Variants in FARP1 observed in about 807,000 individuals in gnomAD.
FARP1 encodes FERM, ARHGEF and pleckstrin domain-containing protein 1.
In FARP1, 52 loss-of-function variants were observed where a neutral mutation model predicts 128.8. The ratio of observed to expected loss-of-function variants is 0.40; its 90% CI spans 0.32 to 0.51. The LOEUF is 0.51. FARP1 is among the 20% of genes least tolerant of loss of function. The pLI is 0.45. For synonymous variants in FARP1, 580 were observed against 551.8 expected, an observed-to-expected ratio of 1.05 and a Z score of -0.72; for missense variants, 1,333 against 1,367.9, an observed-to-expected ratio of 0.97 and a Z score of 0.40.
At position 98,444,520 on chromosome 13, in the gene FARP1, TGCAGGGCAGGAGACTCATGGCGC is replaced by T. The variant is rs1369909791; in HGVS notation, c.2797-1570_2797-1548del. ...ACCAGCATGGCCTCGGCCTCCTGAG[TGCAGGGCAGGAGACTCATGGCGC>T]GCAGGGCCCGTAACACGCTGGAGGC... On this transcript the variant is annotated intron_variant, in intron 24 of 26. Coordinates refer to ENST00000319562, the MANE Select transcript of FARP1 (RefSeq NM_005766.4). Among the ~76,000 whole-genome samples, 3 of 152,014 alleles carry T rather than the reference TGCAGGGCAGGAGACTCATGGCGC, an allele frequency of 2.0e-5. 1 individual carries two copies. Among genetic ancestry groups the T allele is most frequent in the African/African-American group, 7.3e-5 (3 of 41,378 alleles).
intron 1 of FARP1, chr13:98,204,082 C>T (rs1448304134): frequency 6.6e-6 from 1 of 152,186 alleles, no homozygotes; most frequent in Non-Finnish European, 1.5e-5. Context: ...GAAAGGAACA[C>T]CCGCCTAGCC....
intron 5 of FARP1, among the ~76,000 whole-genome samples, chr13:98,371,867 A>G (rs1276064084): frequency 6.6e-6 from 1 of 152,154 alleles, no homozygotes; most frequent in Non-Finnish European, 1.5e-5. Context: ...CTCCAGGAAT[A>G]GCTCTTTCAG....
chr13:98,218,659 G>A (rs1220546778), intron 2 of FARP1, among the ~76,000 whole-genome samples: 3 of 152,138 alleles, frequency 2.0e-5, no homozygotes, highest in Admixed American at 6.6e-5. Context: ...AGCATGCCAC[G>A]ATTTATATGT....
intron 2 of FARP1, among the ~76,000 whole-genome samples, chr13:98,282,862 C>T (rs1235487336): frequency 6.6e-6 from 1 of 151,998 alleles, no homozygotes; most frequent in Non-Finnish European, 1.5e-5. Flanking sequence ...GATCACGCCA[C>T]TGCACTCCGG....
In FARP1 at chr13:98,429,431, G is replaced by A. The variant is rs545414152; in HGVS notation, c.1906-1612G>A. ...GGCATTGCAGAAAGTTCATTCAAGG[G>A]GCTCAACTCACAGTGAAGTGGAAGG... is the stretch of plus-strand genomic sequence containing the variant. On this transcript the variant is annotated intron_variant, in intron 17 of 26. Coordinates refer to ENST00000319562, the MANE Select transcript of FARP1 (RefSeq NM_005766.4). Among the ~76,000 whole-genome samples the A allele has an allele frequency of 1.9e-3, 295 of 152,306 alleles. 2 individuals are homozygous for A. Among genetic ancestry groups the A allele is most frequent in the African/African-American group, 6.9e-3 (286 of 41,560 alleles).
intron 2 of FARP1, among the ~76,000 whole-genome samples, chr13:98,269,951 C>A (rs1884310219): frequency 6.6e-6 from 1 of 152,082 alleles, no homozygotes; most frequent in Non-Finnish European, 1.5e-5. Flanking sequence ...ACTAAAAATA[C>A]AAAATTAGCC....
At chr13:98,178,571 G>A (rs756958863) in intron 1 of FARP1, among the ~76,000 whole-genome samples, 2 of 152,064 alleles carry the variant, frequency 1.3e-5, no homozygotes, top group African/African-American at 4.8e-5. Flanking sequence ...TAATGTAAAT[G>A]GATTCTAGTT....
chr13:98,371,163 T>C (rs1889309764), intron 5 of FARP1, among the ~76,000 whole-genome samples: 1 of 151,932 alleles, frequency 6.6e-6, no homozygotes, highest in Non-Finnish European at 1.5e-5. Context: ...CCAGGGCTCT[T>C]TCTTGCTCAG....
Position 98,448,424 on chromosome 13 carries a change from C to A in FARP1, c.*107C>A. 1.1e-6 allele frequency: 1 copy of A among 915,412 alleles called. No homozygotes were observed. Among genetic ancestry groups the A allele is most frequent in the Non-Finnish European group, 1.8e-6 (1 of 563,966 alleles). The allele number at this position is 915,412 out of a possible 1,614,324, so 56.7% of individuals were successfully genotyped here. On this transcript the variant is annotated 3_prime_UTR_variant, in exon 27 of 27. Transcript: ENST00000319562. ...TTAACACCTGTCTGAAAATCAAAAACATGGCTTCCCAGCAGCTCTCCTGTC... is the reference window on the plus strand; with the variant it reads ...TTAACACCTGTCTGAAAATCAAAAAAATGGCTTCCCAGCAGCTCTCCTGTC...
At chr13:98,448,129 C>G in intron 26 of FARP1, 107 bp from the exon 27 acceptor site, 1 of 921,720 alleles carries the variant, frequency 1.1e-6, no homozygotes, top group Non-Finnish European at 1.8e-6. Context: ...GGCAGATTAC[C>G]AACCAGGCGG....
At chr13:98,153,753 G>T (rs1222584054) in intron 1 of FARP1, among the ~76,000 whole-genome samples, 1 of 151,186 alleles carries the variant, frequency 6.6e-6, no homozygotes, top group South Asian at 2.1e-4. Flanking sequence ...TAGTAGAGAC[G>T]GGCTTTCATC....
At chr13:98,358,409 A>G (rs1888726302) in intron 3 of FARP1, among the ~76,000 whole-genome samples, 2 of 151,914 alleles carry the variant, frequency 1.3e-5, no homozygotes, top group Admixed American at 1.3e-4. Context: ...GTTGTGTTAT[A>G]TATTTTCTCC....
At position 98,431,288 on chromosome 13, in the gene FARP1, C is replaced by G; in HGVS notation, c.2143+8C>G. ...ACTTCAGGGACTGCCGAGGTGAGTGCTGGGAGCCTGCGCCACCTGGTGCCC... is the reference window on the plus strand; with the variant it reads ...ACTTCAGGGACTGCCGAGGTGAGTGGTGGGAGCCTGCGCCACCTGGTGCCC... On this transcript the variant is annotated splice_region_variant and intron_variant, in intron 18 of 26. Transcript: ENST00000319562. 1.3e-6 allele frequency: 2 copies of G among 1,565,382 alleles called. No individual in the cohort carries two copies. Among genetic ancestry groups the G allele is most frequent in the Non-Finnish European group, 8.7e-7 (1 of 1,152,502 alleles).
chr13:98,179,698 G>A (rs1276626143), intron 1 of FARP1, among the ~76,000 whole-genome samples: 1 of 150,792 alleles, frequency 6.6e-6, no homozygotes. Context: ...ACTAAAAATA[G>A]AAAAAAAAAT....
chr13:98,238,744 G>A (rs1302182518), intron 2 of FARP1, among the ~76,000 whole-genome samples: 1 of 152,146 alleles, frequency 6.6e-6, no homozygotes, highest in African/African-American at 2.4e-5. Flanking sequence ...GGAAGTATGG[G>A]AACTACAATT....
At chr13:98,272,435 A>G (rs1249172624) in intron 2 of FARP1, among the ~76,000 whole-genome samples, 1 of 152,140 alleles carries the variant, frequency 6.6e-6, no homozygotes, top group Non-Finnish European at 1.5e-5. Context: ...ATAAGGAGGA[A>G]ATTTTAATTT....
At chr13:98,336,030 A>C (rs1252565236) in intron 2 of FARP1, among the ~76,000 whole-genome samples, 1 of 152,180 alleles carries the variant, frequency 6.6e-6, no homozygotes, top group Non-Finnish European at 1.5e-5. Context: ...TCTGTCTATG[A>C]GATGATTTCC....
Position 98,440,207 on chromosome 13 carries a change from G to A in FARP1, c.2601G>A (p.Glu867=). Residue 867 remains glutamate (E), a synonymous_variant, in exon 23 of 27, where the codon GAG becomes GAA. Transcript: ENST00000319562. ...AGAAGAGCAGCAGCCCCGCCCCTGA[G>A]TTCCTGGCCAGCAGCCCCCCTGACA... ...LAEKSSSPAP[E]FLASSPPDNK... The A allele has an allele frequency of 1.1e-5, 17 of 1,614,026 alleles. No individual in the cohort carries two copies. The highest frequency in any genetic ancestry group is 1.4e-5 in the Non-Finnish European group (16 of 1,179,928).
intron 2 of FARP1, among the ~76,000 whole-genome samples, chr13:98,216,784 C>G (rs2139341823): frequency 6.6e-6 from 1 of 152,314 alleles, no homozygotes; most frequent in African/African-American, 2.4e-5. Context: ...GCTGTTTCCA[C>G]AAGCACCTCT....
Sources: allele counts gnomAD v4.1 joint callset (sites outside exome capture counted in the v4.1 genomes callset), GRCh38; gene constraint gnomAD v4.1.1; transcripts MANE v1.5; gene names NCBI Gene and HGNC (gene_info 2026-07-23, HGNC 2026-07-21).